The following MGMT variants were observed in gnomAD, a reference collection of about 807,000 sequenced individuals.
MGMT encodes the protein methylated-DNA--protein-cysteine methyltransferase.
Under a neutral mutation model 15.9 loss-of-function variants are expected in MGMT, and 14 were observed. The ratio of observed to expected loss-of-function variants is 0.88; its 90% CI spans 0.58 to 1.37. The LOEUF (loss-of-function observed/expected upper bound fraction) is 1.37. Among genes scored for constraint, MGMT ranks in the 40% most tolerant of loss-of-function variants. MGMT has a pLI of 0.00. For synonymous variants in MGMT, 130 were observed against 118.2 expected (o/e 1.10, Z -0.65); for missense variants, 282 against 268.1 (o/e 1.05, Z -0.36).
At chr10:129,620,136 G>C (rs1328523736) in intron 2 of MGMT, among the ~76,000 whole-genome samples, 1 of 152,192 alleles carries the variant, frequency 6.6e-6, no homozygotes, top group Non-Finnish European at 1.5e-5. Flanking sequence ...AACTTTGTTT[G>C]TTAAGTAATA....
intron 2 of MGMT, among the ~76,000 whole-genome samples, chr10:129,631,380 A>G (rs2133082885): frequency 6.6e-6 from 1 of 152,332 alleles, no homozygotes; most frequent in African/African-American, 2.4e-5. Flanking sequence ...AGAAGAATGA[A>G]GGACTCTTAC....
intron 1 of MGMT, among the ~76,000 whole-genome samples, chr10:129,490,860 A>C (rs1192323816): frequency 1.3e-5 from 2 of 152,220 alleles, no homozygotes; most frequent in African/African-American, 2.4e-5. Flanking sequence ...TGTTTCATTT[A>C]GTGATTAGCC....
chr10:129,574,700 C>T (rs889323721), intron 2 of MGMT, among the ~76,000 whole-genome samples: 8 of 152,164 alleles, frequency 5.3e-5, no homozygotes, highest in Non-Finnish European at 7.3e-5. Flanking sequence ...GCACCACTGA[C>T]GGCTTGATCA....
chr10:129,677,807 A>G (rs117475884), intron 2 of MGMT, among the ~76,000 whole-genome samples: 13,949 of 152,210 alleles, frequency 0.092, 920 homozygotes, highest in Admixed American at 0.18. Flanking sequence ...CACCGAGGCC[A>G]CTGCCAGCAC....
At chr10:129,624,319 G>A (rs1306678770) in intron 2 of MGMT, among the ~76,000 whole-genome samples, 1 of 152,162 alleles carries the variant, frequency 6.6e-6, no homozygotes, top group Non-Finnish European at 1.5e-5. Flanking sequence ...TTTGGGAGTG[G>A]GGCCCACTGA....
chr10:129,705,753 T>C (rs554066679), intron 2 of MGMT, among the ~76,000 whole-genome samples: 58 of 152,220 alleles, frequency 3.8e-4, no homozygotes, highest in Non-Finnish European at 6.8e-4. Context: ...TCCGGGGCTG[T>C]GGTCCTCCTG....
intron 1 of MGMT, among the ~76,000 whole-genome samples, chr10:129,471,571 T>A (rs1845231556): frequency 6.6e-6 from 1 of 152,096 alleles, no homozygotes; most frequent in East Asian, 1.9e-4. Flanking sequence ...CTTGAACCTG[T>A]TGCTCTCCGT....
At chr10:129,512,037 AG>A (rs1845689620) in intron 1 of MGMT, among the ~76,000 whole-genome samples, 1 of 152,190 alleles carries the variant, frequency 6.6e-6, no homozygotes, top group Non-Finnish European at 1.5e-5. Flanking sequence ...GTGGCTGGCC[AG>A]GAAAGGGCAG....
intron 3 of MGMT, among the ~76,000 whole-genome samples, chr10:129,741,352 G>C (rs368089426): frequency 6.6e-6 from 1 of 152,178 alleles, no homozygotes; most frequent in Non-Finnish European, 1.5e-5. Context: ...GGCAACACCC[G>C]GGAGGCTGCT....
chr10:129,703,319 A>C (rs1848120651), intron 2 of MGMT, among the ~76,000 whole-genome samples: 1 of 152,212 alleles, frequency 6.6e-6, no homozygotes, highest in Admixed American at 6.5e-5. Context: ...CTCACATTTC[A>C]ATTCCCTCAG....
chr10:129,474,618 G>A (rs975409288), intron 1 of MGMT, among the ~76,000 whole-genome samples: 4 of 152,182 alleles, frequency 2.6e-5, no homozygotes, highest in African/African-American at 9.7e-5. Flanking sequence ...GGATGGCAGC[G>A]GTGGACCCAG....
At chr10:129,661,213 CT>C (rs563790917) in intron 2 of MGMT, among the ~76,000 whole-genome samples, 155 of 146,164 alleles carry the variant, frequency 1.1e-3, no homozygotes, top group Middle Eastern at 3.5e-3. Context: ...TTATTTCCAA[CT>C]TTTTTTTTTT....
chr10:129,614,424 T>C (rs1405987743), intron 2 of MGMT, among the ~76,000 whole-genome samples: 1 of 152,192 alleles, frequency 6.6e-6, no homozygotes, highest in African/African-American at 2.4e-5. Flanking sequence ...TGCCACAACC[T>C]GAGGTCCGCG....
chr10:129,525,614 G>A (rs965199112), intron 1 of MGMT, among the ~76,000 whole-genome samples: 1 of 152,118 alleles, frequency 6.6e-6, no homozygotes, highest in Non-Finnish European at 1.5e-5. Context: ...AATCAGAAAG[G>A]TGCTGTGCGG....
intron 2 of MGMT, among the ~76,000 whole-genome samples, chr10:129,575,087 A>G (rs1846464304): frequency 6.6e-6 from 1 of 152,170 alleles, no homozygotes; most frequent in Non-Finnish European, 1.5e-5. Context: ...CAATAATGGG[A>G]GACTTTAACA....
In MGMT at chr10:129,473,663, CACAG is replaced by C. The variant is rs548005825; in HGVS notation, c.-13+6370_-13+6373del. Reference sequence around the variant, plus strand: ...AGGGGCAAGACAGGGTGTAAACAGACACAGACCTGTTTATGTAGCTAATGTTTTC... The same window carrying C: ...AGGGGCAAGACAGGGTGTAAACAGACACCTGTTTATGTAGCTAATGTTTTC... On this transcript the variant is annotated intron_variant, in intron 1 of 4. Transcript: ENST00000651593. 1.7e-3 allele frequency among the ~76,000 whole-genome samples: 257 copies of C among 152,354 alleles called. 2 individuals are homozygous for C. The highest frequency in any genetic ancestry group is 0.016 in the Admixed American group (240 of 15,308).
chr10:129,704,988 T>C (rs562945683), intron 2 of MGMT, among the ~76,000 whole-genome samples: 91 of 152,244 alleles, frequency 6.0e-4, no homozygotes, highest in Admixed American at 2.5e-3. Flanking sequence ...ACTGGGTCTC[T>C]TTCCCCCACA....
At chr10:129,695,450 G>A (rs1194753450) in intron 2 of MGMT, among the ~76,000 whole-genome samples, 1 of 152,232 alleles carries the variant, frequency 6.6e-6, no homozygotes, top group Non-Finnish European at 1.5e-5. Flanking sequence ...AAGTTAATGG[G>A]ACCGAGCCCC....
chr10:129,714,464 A>T (rs1848270239), intron 3 of MGMT, among the ~76,000 whole-genome samples: 1 of 151,982 alleles, frequency 6.6e-6, no homozygotes, highest in Non-Finnish European at 1.5e-5. Context: ...TTTTCAAGTT[A>T]CTCATATCTC....
Sources: gnomAD v4.1 joint callset for allele counts (sites outside exome capture counted in the v4.1 genomes callset) on GRCh38, gnomAD v4.1.1 for gene constraint, MANE v1.5 for transcripts, NCBI Gene and HGNC (gene_info 2026-07-23, HGNC 2026-07-21) for gene names.